Variants in ADSS2 observed in about 807,000 individuals in gnomAD.
The protein encoded by ADSS2 is adenylosuccinate synthetase isozyme 2.
In ADSS2, 30 loss-of-function variants were observed where a neutral mutation model predicts 60.0. That is an observed-to-expected ratio of 0.50 (90% confidence interval 0.37 to 0.68). ADSS2 has a LOEUF of 0.68. Ranked by LOEUF, ADSS2 falls within the 30% of genes least tolerant of loss-of-function variation. ADSS2 has a pLI of 0.00. For synonymous variants in ADSS2, 187 were observed against 193.1 expected (o/e 0.97, Z 0.26); for missense variants, 373 against 554.8 (o/e 0.67, Z 3.29).
At chr1:244,418,677 G>A in intron 9 of ADSS2, 83 bp downstream of exon 9, 1 of 1,362,104 alleles carries the variant, frequency 7.3e-7, no homozygotes, top group Non-Finnish European at 9.9e-7. Context: ...TAAGTGAAAG[G>A]CACAGGAGAC....
intron 3 of ADSS2, among the ~76,000 whole-genome samples, chr1:244,435,991 C>A (rs568093423): frequency 6.6e-6 from 1 of 152,138 alleles, no homozygotes; most frequent in East Asian, 1.9e-4. Context: ...TCTGTGGGAA[C>A]GCTGGTGTGG....
intron 3 of ADSS2, among the ~76,000 whole-genome samples, chr1:244,434,295 C>T (rs958934033): frequency 1.3e-5 from 2 of 151,304 alleles, no homozygotes; most frequent in African/African-American, 4.9e-5. Context: ...GGTAGAGGCT[C>T]ACTACTGTGT....
chr1:244,427,420 A>G (rs1481806604), intron 4 of ADSS2, among the ~76,000 whole-genome samples: 4 of 152,164 alleles, frequency 2.6e-5, no homozygotes, highest in African/African-American at 9.7e-5. Flanking sequence ...AAAGCAGGAA[A>G]AGAACAAATA....
chr1:244,420,382 G>A (rs1664647607), intron 7 of ADSS2, 86 bp from the exon 8 acceptor site: 5 of 1,281,752 alleles, frequency 3.9e-6, no homozygotes, highest in Middle Eastern at 5.4e-4. Context: ...CTGACTTTAT[G>A]ACATGAAAAC....
intron 1 of ADSS2, among the ~76,000 whole-genome samples, chr1:244,440,377 G>A (rs1665206925): frequency 6.6e-6 from 1 of 152,120 alleles, no homozygotes; most frequent in South Asian, 2.1e-4. Flanking sequence ...TTTACACGGT[G>A]TTTTGCACCG....
At chr1:244,411,584 A>G in intron 11 of ADSS2, 148 bp from the exon 12 acceptor site, 4 of 712,732 alleles carry the variant, frequency 5.6e-6, no homozygotes, top group Non-Finnish European at 9.1e-6. Flanking sequence ...GTAGAAAGGT[A>G]AAACAGCGCA....
Position 244,420,215 on chromosome 1 carries a change from T to C in ADSS2, c.745A>G (p.Ile249Val). ...YEALHGPPKK[I>V]LVEGANAALL... is the part of the protein sequence containing the mutation. ...GCTGCATTTGCACCTTCTACCAAGATTTTCTTTGGTGGTCCATGTAGGGCC... is the reference window on the plus strand; with the variant it reads ...GCTGCATTTGCACCTTCTACCAAGACTTTCTTTGGTGGTCCATGTAGGGCC... Residue 249 changes from isoleucine (I) to valine (V), a missense_variant, in exon 8 of 13, where the codon ATC (isoleucine) becomes GTC (valine). Physicochemically the swap from Ile to Val is conservative, Grantham distance 29. Around this residue, in one of 5 missense-constraint regions of ADSS2, gnomAD observed 139 missense variants for 189.4 expected, o/e 0.73. Coordinates refer to ENST00000366535, the MANE Select transcript of ADSS2 (RefSeq NM_001126.5). The C allele has an allele frequency of 1.9e-6, 3 of 1,613,880 alleles. No homozygotes were observed. The highest frequency in any genetic ancestry group is 1.7e-6 in the Non-Finnish European group (2 of 1,179,858).
intron 5 of ADSS2, 59 bp from the exon 6 acceptor site, chr1:244,424,119 C>G (rs1664740646): frequency 7.2e-7 from 1 of 1,385,876 alleles, no homozygotes; most frequent in Non-Finnish European, 1.0e-6. Flanking sequence ...GTCTCCTGGT[C>G]AGATCATTGC....
At chr1:244,432,991 C>T (rs1257486869) in intron 3 of ADSS2, among the ~76,000 whole-genome samples, 1 of 152,244 alleles carries the variant, frequency 6.6e-6, no homozygotes, top group Non-Finnish European at 1.5e-5. Flanking sequence ...AATCCCAACA[C>T]TGTGGGAGGC....
intron 1 of ADSS2, among the ~76,000 whole-genome samples, chr1:244,442,543 C>T (rs1214947957): frequency 1.3e-5 from 2 of 152,024 alleles, no homozygotes; most frequent in Non-Finnish European, 2.9e-5. Context: ...CAGAAACACC[C>T]GAGATTATCC....
rs35132231 is a variant in ADSS2 at position 244,433,859 on chromosome 1, T to TAA, written c.356-1266_356-1265dup. 4.7e-3 allele frequency among the ~76,000 whole-genome samples: 442 copies of TAA among 94,918 alleles called. 4 individuals carry two copies. The highest frequency in any genetic ancestry group is 0.024 in the East Asian group (59 of 2,490). 62.3% of individuals were successfully genotyped at this position (94,918 alleles called of 152,430 possible). A position where few individuals can be genotyped will look rare whatever the true frequency, so the allele number is the denominator to read the frequency against. ...TGGCAACAGAGCAAGACTCCATCTT[T>TAA]AAAAAAAAAAAAAAAAAAAAAAAAG... On this transcript the variant is annotated intron_variant, in intron 3 of 12. Transcript: ENST00000366535.
At chr1:244,414,384 AAG>A (rs1664481951) in intron 11 of ADSS2, among the ~76,000 whole-genome samples, 1 of 152,198 alleles carries the variant, frequency 6.6e-6, no homozygotes, top group Admixed American at 6.5e-5. Context: ...GGAAGTAGAG[AAG>A]AGAGCTAAAT....
chr1:244,423,887 C>T (rs1026604306), intron 6 of ADSS2, 66 bp downstream of exon 6: 1 of 1,299,614 alleles, frequency 7.7e-7, no homozygotes, highest in Non-Finnish European at 1.1e-6. Context: ...TCATTTTGCA[C>T]CCTAGATTTT....
intron 11 of ADSS2, among the ~76,000 whole-genome samples, chr1:244,412,570 G>A (rs1020556771): frequency 6.6e-6 from 1 of 152,150 alleles, no homozygotes; most frequent in Non-Finnish European, 1.5e-5. Flanking sequence ...CGCTATTCAC[G>A]AACTGGAGAA....
chr1:244,431,630 G>GT (rs1276024705), intron 4 of ADSS2, among the ~76,000 whole-genome samples: 2 of 152,150 alleles, frequency 1.3e-5, no homozygotes, highest in African/African-American at 4.8e-5. Context: ...ACATAAAACT[G>GT]TTTTTCAGTA....
intron 1 of ADSS2, among the ~76,000 whole-genome samples, chr1:244,441,653 AT>A (rs1453730019): frequency 3.3e-5 from 5 of 151,842 alleles, no homozygotes; most frequent in Non-Finnish European, 5.9e-5. Context: ...CAACCAGTTT[AT>A]TTTTTTAAAA....
chr1:244,416,018 A>C lies in ADSS2; in HGVS notation c.1131T>G (p.Ala377=). The change falls in exon 11 of 13, where the codon GCT becomes GCG. Residue 377 remains alanine, a synonymous_variant. Coordinates refer to ENST00000366535, the MANE Select transcript of ADSS2 (RefSeq NM_001126.5). ...DMFTEIKVGV[A]YKLDGEIIPH... ...GTATGATTTCACCATCTAACTTGTA[A>C]GCAACTCCAACTTTGATTTCCGTAA... 6.2e-7 allele frequency: 1 copy of C among 1,613,922 alleles called. No individual in the cohort carries two copies. The highest frequency in any genetic ancestry group is 8.5e-7 in the Non-Finnish European group (1 of 1,179,918).
chr1:244,422,765 T>G (rs1664705287), intron 7 of ADSS2, 70 bp downstream of exon 7: 2 of 1,189,874 alleles, frequency 1.7e-6, no homozygotes, highest in Admixed American at 3.7e-5. Flanking sequence ...CCTGCATGAA[T>G]GAAAAGATCT....
chr1:244,439,200 C>T (rs528280987), intron 1 of ADSS2, among the ~76,000 whole-genome samples: 5 of 152,328 alleles, frequency 3.3e-5, no homozygotes, highest in African/African-American at 1.2e-4. Context: ...CCTCCAGTTC[C>T]ATCCACGTTG....
Sources: allele counts gnomAD v4.1 joint callset (sites outside exome capture counted in the v4.1 genomes callset), GRCh38; gene constraint gnomAD v4.1.1; regional missense constraint gnomAD v4.1.1; transcripts MANE v1.5; gene names NCBI Gene and HGNC (gene_info 2026-07-23, HGNC 2026-07-21).